The following LOC128462377 variants were observed in gnomAD, a reference collection of about 807,000 sequenced individuals.
At chr16:89,333,611 C>G in the LOC128462377 span, among the ~76,000 whole-genome samples, 427 of 152,298 alleles carry the variant, frequency 2.8e-3, no homozygotes, top group African/African-American at 1.0e-2. Flanking sequence ...AGTCGGAACC[C>G]TACAGTGTGT....
the LOC128462377 span, among the ~76,000 whole-genome samples, chr16:89,384,892 T>G: frequency 3.2e-3 from 403 of 124,366 alleles, 6 homozygotes; most frequent in African/African-American, 0.011. Context: ...TTTTTTTTTT[T>G]TTTTTTTTTT....
the LOC128462377 span, among the ~76,000 whole-genome samples, chr16:89,366,094 C>T: frequency 2.5e-4 from 35 of 142,706 alleles, no homozygotes; most frequent in African/African-American, 9.4e-4. Context: ...GGCGCCACTG[C>T]ACTCTAGCCT....
the LOC128462377 span, among the ~76,000 whole-genome samples, chr16:89,328,133 C>G: frequency 1.5e-5 from 2 of 131,006 alleles, no homozygotes; most frequent in Non-Finnish European, 3.3e-5. Context: ...TAGGGAAACA[C>G]AACTTAAAGC....
At chr16:89,322,822 C>T in the LOC128462377 span, among the ~76,000 whole-genome samples, 1 of 152,332 alleles carries the variant, frequency 6.6e-6, no homozygotes, top group Middle Eastern at 3.4e-3. Context: ...GCTCCAGATA[C>T]CTTAGCTTTA....
the LOC128462377 span, among the ~76,000 whole-genome samples, chr16:89,383,005 T>C: frequency 6.6e-6 from 1 of 152,212 alleles, no homozygotes; most frequent in African/African-American, 2.4e-5. Context: ...CGTGCCAGGC[T>C]TGTAAAGCGT....
At chr16:89,381,263 C>T in the LOC128462377 span, among the ~76,000 whole-genome samples, 1 of 140,364 alleles carries the variant, frequency 7.1e-6, no homozygotes, top group South Asian at 2.4e-4. Context: ...ACCCGGGAGG[C>T]GGAGGTTGCA....
the LOC128462377 span, among the ~76,000 whole-genome samples, chr16:89,344,829 C>T: frequency 6.6e-6 from 1 of 152,330 alleles, no homozygotes; most frequent in South Asian, 2.1e-4. Context: ...GCAGACGAGG[C>T]GTGAGACTCT....
chr16:89,414,113 C>T, the LOC128462377 span, among the ~76,000 whole-genome samples: 6 of 152,176 alleles, frequency 3.9e-5, no homozygotes, highest in East Asian at 9.6e-4. Context: ...GACACTGAGG[C>T]GCACGATCGC....
At chr16:89,360,235 T>C in the LOC128462377 span, among the ~76,000 whole-genome samples, 23 of 152,346 alleles carry the variant, frequency 1.5e-4, no homozygotes, top group African/African-American at 5.5e-4. Context: ...AAAGACATGA[T>C]CTCGTTCATT....
At chr16:89,318,341 C>G in the LOC128462377 span, among the ~76,000 whole-genome samples, 535 of 152,338 alleles carry the variant, frequency 3.5e-3, 4 homozygotes, top group Middle Eastern at 0.014. Context: ...CACCTACACA[C>G]CCACACCCAA....
the LOC128462377 span, among the ~76,000 whole-genome samples, chr16:89,366,624 C>G: frequency 6.6e-6 from 1 of 152,222 alleles, no homozygotes; most frequent in East Asian, 1.9e-4. Context: ...AGGCTGCCAT[C>G]TTGCCTTGGC....
At chr16:89,321,945 C>T in the LOC128462377 span, among the ~76,000 whole-genome samples, 4 of 152,294 alleles carry the variant, frequency 2.6e-5, no homozygotes, top group African/African-American at 9.6e-5. Context: ...TGCTGCTGCG[C>T]GAGGCTTAAG....
chr16:89,354,500 C>T, the LOC128462377 span, among the ~76,000 whole-genome samples: 199 of 152,298 alleles, frequency 1.3e-3, 1 homozygote, highest in African/African-American at 4.6e-3. Context: ...CAGAGGGCAG[C>T]GTGCCCAGCA....
the LOC128462377 span, among the ~76,000 whole-genome samples, chr16:89,390,237 G>C: frequency 7.6e-6 from 1 of 130,910 alleles, no homozygotes; most frequent in African/African-American, 2.8e-5. Flanking sequence ...CACCGAGAGA[G>C]AAGATCACTG....
chr16:89,379,593 C>G, the LOC128462377 span, among the ~76,000 whole-genome samples: 1 of 152,220 alleles, frequency 6.6e-6, no homozygotes, highest in African/African-American at 2.4e-5. Flanking sequence ...ACACTTCTGC[C>G]TCAGCCTCCT....
At chr16:89,342,807 A>G in the LOC128462377 span, among the ~76,000 whole-genome samples, 1 of 152,220 alleles carries the variant, frequency 6.6e-6, no homozygotes, top group Non-Finnish European at 1.5e-5. Context: ...AAACATTATT[A>G]CAGAATAACC....
At chr16:89,321,938 T>G in the LOC128462377 span, among the ~76,000 whole-genome samples, 3 of 152,222 alleles carry the variant, frequency 2.0e-5, no homozygotes, top group African/African-American at 7.2e-5. Flanking sequence ...GACCCGCTGC[T>G]GCTGCGCGAG....
At chr16:89,333,526 C>T in the LOC128462377 span, among the ~76,000 whole-genome samples, 23 of 152,376 alleles carry the variant, frequency 1.5e-4, no homozygotes, top group Admixed American at 3.9e-4. Context: ...AACCCTCCGT[C>T]CCTCCCTCTC....
the LOC128462377 span, among the ~76,000 whole-genome samples, chr16:89,387,395 G>A: frequency 5.9e-5 from 9 of 152,054 alleles, no homozygotes; most frequent in South Asian, 2.1e-4. Context: ...TGCTTGGGCC[G>A]GGCGCGGTGG....
Sources: allele counts gnomAD v4.1 joint callset (sites outside exome capture counted in the v4.1 genomes callset), GRCh38; gene constraint gnomAD v4.1.1; transcripts MANE v1.5.